LOC122539214: variants seen among roughly 807,000 people sequenced by gnomAD.
At chr19:52,684,085 T>C in the LOC122539214 span, among the ~76,000 whole-genome samples, 2 of 151,948 alleles carry the variant, frequency 1.3e-5, no homozygotes, top group African/African-American at 4.8e-5. Context: ...AATACAAAAA[T>C]TGAGCTGGGT....
the LOC122539214 span, among the ~76,000 whole-genome samples, chr19:52,687,674 A>AT: frequency 8.9e-6 from 1 of 112,966 alleles, no homozygotes; most frequent in South Asian, 2.7e-4. Context: ...ATATATATAT[A>AT]ACTAGCCGGG....
At chr19:52,659,110 C>T in the LOC122539214 span, among the ~76,000 whole-genome samples, 74 of 152,248 alleles carry the variant, frequency 4.9e-4, 1 homozygote, top group Middle Eastern at 3.4e-3. Flanking sequence ...CTAATGCCCT[C>T]TTGTGAGGAG....
At chr19:52,679,039 A>C in the LOC122539214 span, among the ~76,000 whole-genome samples, 1 of 152,146 alleles carries the variant, frequency 6.6e-6, no homozygotes, top group African/African-American at 2.4e-5. Flanking sequence ...AGCTCCCTTA[A>C]TAAGATTGAT....
the LOC122539214 span, chr19:52,655,514 G>A: frequency 7.0e-7 from 1 of 1,426,202 alleles, no homozygotes; most frequent in South Asian, 1.2e-5. Flanking sequence ...GAAGAGCCAA[G>A]ATAGACAAGG....
chr19:52,654,063 A>T, the LOC122539214 span: 199 of 1,594,040 alleles, frequency 1.2e-4, 2 homozygotes, highest in South Asian at 2.0e-3. Flanking sequence ...CCACTTGATT[A>T]TCAATTTTCC....
At chr19:52,660,985 G>A in the LOC122539214 span, 1 of 152,242 alleles carries the variant, frequency 6.6e-6, no homozygotes, top group Non-Finnish European at 1.5e-5. Flanking sequence ...TTGCCTCAGT[G>A]TACCAAGTAG....
chr19:52,653,271 G>A, the LOC122539214 span: 1 of 1,481,764 alleles, frequency 6.7e-7, no homozygotes, highest in Admixed American at 1.7e-5. Context: ...GACATGCAAG[G>A]TGTGCTTTTT....
the LOC122539214 span, among the ~76,000 whole-genome samples, chr19:52,671,476 T>C: frequency 1.3e-5 from 2 of 152,060 alleles, no homozygotes; most frequent in African/African-American, 4.8e-5. Flanking sequence ...CAGGACCTAG[T>C]TCTGTCACCC....
At chr19:52,681,880 C>T in the LOC122539214 span, among the ~76,000 whole-genome samples, 1 of 152,166 alleles carries the variant, frequency 6.6e-6, no homozygotes, top group Non-Finnish European at 1.5e-5. Flanking sequence ...CAGAGTCTCA[C>T]TCTGTCAACC....
chr19:52,659,642 A>C, the LOC122539214 span, among the ~76,000 whole-genome samples: 2 of 149,588 alleles, frequency 1.3e-5, no homozygotes, highest in Non-Finnish European at 3.0e-5. Flanking sequence ...ACCAGAAGTC[A>C]CAGAAGTGAG....
the LOC122539214 span, among the ~76,000 whole-genome samples, chr19:52,683,864 T>A: frequency 1.2e-4 from 19 of 152,284 alleles, no homozygotes; most frequent in Non-Finnish European, 1.9e-4. Flanking sequence ...TAGGTGCTGC[T>A]GTTGTCCTGT....
chr19:52,674,822 T>C, the LOC122539214 span, among the ~76,000 whole-genome samples: 84 of 152,206 alleles, frequency 5.5e-4, no homozygotes, highest in Non-Finnish European at 1.2e-3. Context: ...TAAATGATTA[T>C]ACAACCCAAG....
At chr19:52,676,137 C>A in the LOC122539214 span, among the ~76,000 whole-genome samples, 1 of 152,204 alleles carries the variant, frequency 6.6e-6, no homozygotes, top group Admixed American at 6.5e-5. Flanking sequence ...CGCGCCGCCA[C>A]GCCTGACTGG....
At chr19:52,671,933 T>A in the LOC122539214 span, among the ~76,000 whole-genome samples, 21 of 152,156 alleles carry the variant, frequency 1.4e-4, no homozygotes, top group African/African-American at 2.4e-4. Context: ...TGAAAAAATA[T>A]AACTAAGTTA....
chr19:52,688,372 C>T, the LOC122539214 span, among the ~76,000 whole-genome samples: 2 of 150,724 alleles, frequency 1.3e-5, no homozygotes, highest in African/African-American at 2.4e-5. Flanking sequence ...AAGGATCTCA[C>T]TATGTTGTGC....
At chr19:52,687,457 TAAATTATAA>T in the LOC122539214 span, among the ~76,000 whole-genome samples, 1 of 93,042 alleles carries the variant, frequency 1.1e-5, no homozygotes, top group Non-Finnish European at 2.0e-5. Context: ...AATTATAATA[TAAATTATAA>T]TTTATATATC....
chr19:52,652,499 T>C, the LOC122539214 span: 1 of 447,632 alleles, frequency 2.2e-6, no homozygotes, highest in African/African-American at 2.0e-5. Flanking sequence ...ATATGAATTC[T>C]CCTGTGTTTT....
the LOC122539214 span, among the ~76,000 whole-genome samples, chr19:52,680,692 A>G: frequency 7.6e-6 from 1 of 132,230 alleles, no homozygotes; most frequent in Non-Finnish European, 1.5e-5. Context: ...GGCTCACTGC[A>G]AGCTCCGCCT....
chr19:52,683,539 C>CA, the LOC122539214 span, among the ~76,000 whole-genome samples: 1 of 140,036 alleles, frequency 7.1e-6, no homozygotes, highest in African/African-American at 2.9e-5. Flanking sequence ...AGGGCAAAGT[C>CA]CCTGCCCATA....
Sources: allele counts gnomAD v4.1 joint callset (sites outside exome capture counted in the v4.1 genomes callset), GRCh38; gene constraint gnomAD v4.1.1; transcripts MANE v1.5.